Variants in NBAS observed in about 807,000 individuals in gnomAD.
The protein encoded by NBAS is NBAS subunit of NRZ tethering complex.
A neutral mutation model predicts 302.5 loss-of-function variants in NBAS; 219 were observed. That is an observed-to-expected ratio of 0.72 (90% CI 0.65 to 0.81). The LOEUF is 0.81. Ranked by LOEUF, NBAS falls within the 30% of genes least tolerant of loss-of-function variation. The pLI, the probability that NBAS is intolerant of heterozygous loss-of-function variation, is 0.00. For missense variants in NBAS, 2,932 were observed against 2,841.6 expected, an observed-to-expected ratio of 1.03 and a Z score of -0.72; for synonymous variants, 1,118 against 1,021.6, an observed-to-expected ratio of 1.09 and a Z score of -1.80.
Position 15,308,318 on chromosome 2 carries a change from G to A in NBAS, c.4695C>T (p.Ser1565=), listed in dbSNP as rs773391752. The A allele has an allele frequency of 3.7e-6, 6 of 1,614,064 alleles. No individual in the cohort carries two copies. In the South Asian group the frequency reaches 6.6e-5, roughly 18 times the overall value. Residue 1565 remains serine (S), a synonymous_variant, in exon 40 of 52, where the codon TCC becomes TCT. Transcript: ENST00000281513. The part of the protein sequence containing the change: ...LDANRCFEKQ[S]PSALSLQLAA... ...CCAGCTGGAGAGATAATGCAGAGGG[G>A]GACTGCTTTTCAAAGCACCGGTTAG...
chr2:15,551,215 A>T (rs911498648), intron 6 of NBAS, among the ~76,000 whole-genome samples: 1 of 152,146 alleles, frequency 6.6e-6, no homozygotes, highest in African/African-American at 2.4e-5. Flanking sequence ...TTATTTCTGC[A>T]TTTAATCCAA....
chr2:15,285,948 T>C (rs565781881), intron 42 of NBAS, among the ~76,000 whole-genome samples: 14 of 152,168 alleles, frequency 9.2e-5, no homozygotes, highest in Non-Finnish European at 1.8e-4. Context: ...GCGTGAGCCA[T>C]GGCGCCTGGC....
chr2:15,367,041 T>TA (rs1053652632), intron 31 of NBAS, among the ~76,000 whole-genome samples: 40 of 152,200 alleles, frequency 2.6e-4, no homozygotes, highest in African/African-American at 9.4e-4. Flanking sequence ...TTCATATACT[T>TA]AGTATTATAC....
chr2:14,925,027 G>C, the NBAS span, among the ~76,000 whole-genome samples: 1 of 152,060 alleles, frequency 6.6e-6, no homozygotes, highest in Non-Finnish European at 1.5e-5. Context: ...ACTCAAATAA[G>C]GTAAGCGAAT....
intron 31 of NBAS, among the ~76,000 whole-genome samples, chr2:15,368,036 CAT>C (rs1674295826): frequency 6.6e-6 from 1 of 152,048 alleles, no homozygotes; most frequent in African/African-American, 2.4e-5. Flanking sequence ...TTATAATACA[CAT>C]ATATACAAGT....
intron 47 of NBAS, among the ~76,000 whole-genome samples, chr2:15,229,818 A>G (rs1313005053): frequency 6.6e-6 from 1 of 152,062 alleles, no homozygotes; most frequent in African/African-American, 2.4e-5. Context: ...AGAGGACGTG[A>G]AAAATGGCAT....
rs182869511 is a variant in NBAS, at chr2:15,199,463, T to C, written c.6433-9060A>G. Among the ~76,000 whole-genome samples the C allele has an allele frequency of 7.2e-5, 11 of 152,316 alleles. No individual in the cohort carries two copies. The East Asian group carries it at 2.1e-3, about 29-fold the overall frequency. On this transcript the variant is annotated intron_variant, in intron 48 of 51. Transcript: ENST00000281513. ...TACATATGTTCCAAGCATCTAAATA[T>C]ATTTCATAAAGTATGAGGAGTACAG...
At chr2:15,217,719 C>G (rs1666717359) in intron 48 of NBAS, among the ~76,000 whole-genome samples, 1 of 152,230 alleles carries the variant, frequency 6.6e-6, no homozygotes, top group African/African-American at 2.4e-5. Flanking sequence ...CAAATTTCAA[C>G]AGCCACAATA....
the NBAS span, among the ~76,000 whole-genome samples, chr2:14,985,551 A>G: frequency 1.3e-5 from 2 of 152,264 alleles, no homozygotes; most frequent in Admixed American, 6.5e-5. Context: ...GTGTATAAAA[A>G]ATATAAATCG....
Position 15,355,319 on chromosome 2 carries a change from AAACAACAACAAC to A in NBAS, c.3931+972_3931+983del, listed in dbSNP as rs200554858. Reference sequence around the variant, plus strand: ...ATTTAGTACAGAGCCCATGATAAGAAAACAACAACAACAACAACAACAACAAAACTCCCTATC... The same window carrying A: ...ATTTAGTACAGAGCCCATGATAAGAAAACAACAACAACAAAACTCCCTATC... On this transcript the variant is annotated intron_variant, in intron 33 of 51. Transcript: ENST00000281513. Among the ~76,000 whole-genome samples, 646 of 152,042 alleles carry A rather than the reference AAACAACAACAAC, an allele frequency of 4.2e-3. 6 individuals carry two copies. Among genetic ancestry groups the A allele is most frequent in the African/African-American group, 0.015 (614 of 41,474 alleles).
In NBAS at chr2:15,515,039, A is replaced by C. The variant is rs558794581; in HGVS notation, c.747-3689T>G. ...AGCAGCTTTAGGACACTGATGCTCC[A>C]GCTCTAAGAATGCATATGTGTTCAC... is the stretch of plus-strand genomic sequence containing the variant. On this transcript the variant is annotated intron_variant, in intron 9 of 51. Coordinates refer to ENST00000281513, the MANE Select transcript of NBAS (RefSeq NM_015909.4). Among the ~76,000 whole-genome samples, 3 of 152,332 alleles carry C rather than the reference A, an allele frequency of 2.0e-5. No individual in the cohort carries two copies. In the South Asian group the frequency reaches 6.2e-4, roughly 32 times the overall value.
the NBAS span, among the ~76,000 whole-genome samples, chr2:15,009,385 C>T: frequency 6.6e-6 from 1 of 151,752 alleles, no homozygotes; most frequent in South Asian, 2.1e-4. Flanking sequence ...TATCTGTTTC[C>T]TTTTAAAGGC....
chr2:15,158,098 A>G, the NBAS span, among the ~76,000 whole-genome samples: 1 of 152,116 alleles, frequency 6.6e-6, no homozygotes, highest in Non-Finnish European at 1.5e-5. Context: ...CACTGATTCC[A>G]ATGACCTTAT....
At chr2:14,801,577 T>C in the NBAS span, among the ~76,000 whole-genome samples, 2 of 152,138 alleles carry the variant, frequency 1.3e-5, no homozygotes, top group African/African-American at 2.4e-5. Context: ...TGGAATAAAA[T>C]TTCAAACTGT....
intron 6 of NBAS, among the ~76,000 whole-genome samples, chr2:15,544,651 CT>C (rs1664016733): frequency 6.6e-6 from 1 of 151,980 alleles, no homozygotes; most frequent in Admixed American, 6.6e-5. Flanking sequence ...AGAAACACAC[CT>C]TCTATCCAAG....
At chr2:15,009,086 G>T in the NBAS span, among the ~76,000 whole-genome samples, 3 of 152,222 alleles carry the variant, frequency 2.0e-5, no homozygotes, top group Non-Finnish European at 4.4e-5. Flanking sequence ...ATAGCTGTGA[G>T]AATGCTGAAC....
intron 38 of NBAS, among the ~76,000 whole-genome samples, chr2:15,314,385 C>T (rs544125046): frequency 6.6e-6 from 1 of 151,946 alleles, no homozygotes; most frequent in African/African-American, 2.4e-5. Context: ...ACAACAACAA[C>T]AAAAAACAAG....
Position 15,486,376 on chromosome 2 carries a change from G to A in NBAS, c.1083+2518C>T, listed in dbSNP as rs142251883. ...ATAATAAGAGAAACAACTAGCTTGA[G>A]AATCAAGTTGCATAGCTCCCCTGAT... is the stretch of plus-strand genomic sequence containing the variant. On this transcript the variant is annotated intron_variant, in intron 12 of 51. Transcript: ENST00000281513. 1.9e-4 allele frequency among the ~76,000 whole-genome samples: 29 copies of A among 152,228 alleles called. No homozygotes were observed. In the East Asian group the frequency reaches 4.6e-3, roughly 24 times the overall value.
the NBAS span, among the ~76,000 whole-genome samples, chr2:14,832,195 G>A: frequency 6.6e-6 from 1 of 152,158 alleles, no homozygotes; most frequent in Admixed American, 6.5e-5. Context: ...CTCTCATGGT[G>A]TATTCAGTCA....
Sources: allele counts gnomAD v4.1 joint callset (sites outside exome capture counted in the v4.1 genomes callset), GRCh38; gene constraint gnomAD v4.1.1; transcripts MANE v1.5; gene names NCBI Gene and HGNC (gene_info 2026-07-23, HGNC 2026-07-21).